Variants in DDX10 observed in about 807,000 individuals in gnomAD.
DDX10 encodes the protein probable ATP-dependent RNA helicase DDX10.
In DDX10, 74 loss-of-function variants were observed where a neutral mutation model predicts 104.3. The ratio of observed to expected loss-of-function variants is 0.71; its 90% CI spans 0.59 to 0.86. DDX10 has a LOEUF of 0.86. Ranked by LOEUF, DDX10 falls within the 40% of genes least tolerant of loss-of-function variation. DDX10 has a pLI of 0.00. For synonymous variants in DDX10, 351 were observed against 353.4 expected (o/e 0.99, Z 0.08); for missense variants, 952 against 1,040.0 (o/e 0.92, Z 1.16).
chr11:108,718,178 AT>A (rs2094293908), intron 11 of DDX10, among the ~76,000 whole-genome samples: 1 of 151,058 alleles, frequency 6.6e-6, no homozygotes, highest in South Asian at 2.1e-4. Context: ...AAAAAAAAAA[AT>A]TGTCTAGAGT....
chr11:108,913,574 T>A (rs1250273150), intron 16 of DDX10, among the ~76,000 whole-genome samples: 9 of 152,088 alleles, frequency 5.9e-5, no homozygotes, highest in Admixed American at 6.6e-5. Flanking sequence ...GTAGCTATCT[T>A]ATTTAGGAAT....
intron 13 of DDX10, among the ~76,000 whole-genome samples, chr11:108,773,407 A>G (rs1004541865): frequency 1.3e-5 from 2 of 152,176 alleles, no homozygotes; most frequent in Non-Finnish European, 2.9e-5. Context: ...AAGTCTCCCT[A>G]TCTACCTGTG....
At chr11:108,781,188 T>G (rs955835468) in intron 13 of DDX10, among the ~76,000 whole-genome samples, 1 of 152,194 alleles carries the variant, frequency 6.6e-6, no homozygotes, top group Admixed American at 6.5e-5. Context: ...GTTAATTCAT[T>G]TAGGCTTATG....
intron 13 of DDX10, among the ~76,000 whole-genome samples, chr11:108,753,497 G>A (rs2094340970): frequency 6.6e-6 from 1 of 152,006 alleles, no homozygotes; most frequent in Non-Finnish European, 1.5e-5. Context: ...ATTTTGATAA[G>A]CATTAAAGAT....
chr11:108,850,866 T>C (rs1862781878), intron 15 of DDX10, among the ~76,000 whole-genome samples: 1 of 152,140 alleles, frequency 6.6e-6, no homozygotes, highest in African/African-American at 2.4e-5. Context: ...TCAGGCAAGT[T>C]ACTTAGTTAC....
chr11:108,917,989 A>C lies in DDX10; in HGVS notation c.2421A>C (p.Ser807=). 1 of 1,613,710 alleles carries C rather than the reference A, an allele frequency of 6.2e-7. No individual in the cohort carries two copies. The highest frequency in any genetic ancestry group is 2.2e-5 in the East Asian group (1 of 44,854). The change falls in exon 17 of 18, where the codon TCA becomes TCC. Residue 807 remains serine (S), a synonymous_variant. Transcript: ENST00000322536. ...ATAAATACAGAAGCTCTGAAGATTC[A>C]GATAGTGAAGATATGGAAAATAAAA... ...DPDKYRSSED[S]DSEDMENKIS...
intron 1 of DDX10, among the ~76,000 whole-genome samples, chr11:108,671,522 T>G (rs1395178815): frequency 6.6e-6 from 1 of 152,212 alleles, no homozygotes; most frequent in Non-Finnish European, 1.5e-5. Context: ...ATGTAATCCT[T>G]GGAATATAAC....
intron 13 of DDX10, among the ~76,000 whole-genome samples, chr11:108,794,044 T>C (rs1216288466): frequency 6.6e-6 from 1 of 152,172 alleles, no homozygotes; most frequent in Non-Finnish European, 1.5e-5. Flanking sequence ...AATAATTCCA[T>C]TGTGTATAGC....
intron 13 of DDX10, among the ~76,000 whole-genome samples, chr11:108,793,735 C>A (rs907103442): frequency 2.0e-5 from 3 of 152,120 alleles, no homozygotes; most frequent in Admixed American, 1.3e-4. Flanking sequence ...GAACTTACTT[C>A]TTCTAACTGT....
intron 13 of DDX10, among the ~76,000 whole-genome samples, chr11:108,831,817 A>G (rs1375173518): frequency 6.6e-6 from 1 of 152,116 alleles, no homozygotes; most frequent in Non-Finnish European, 1.5e-5. Context: ...TCCTTATGAT[A>G]AGAACCATTA....
chr11:108,704,974 T>C (rs2094273840), intron 9 of DDX10, among the ~76,000 whole-genome samples: 1 of 152,192 alleles, frequency 6.6e-6, no homozygotes, highest in African/African-American at 2.4e-5. Flanking sequence ...TTAGTTTAGA[T>C]GTTGGTTTCT....
At chr11:108,918,680 C>G (rs529974779) in intron 17 of DDX10, 1 of 152,246 alleles carries the variant, frequency 6.6e-6, no homozygotes, top group South Asian at 2.1e-4. Context: ...ACAGAAACAA[C>G]TCTTGACAAA....
At chr11:108,749,665 G>T (rs1408300849) in intron 13 of DDX10, among the ~76,000 whole-genome samples, 2 of 152,112 alleles carry the variant, frequency 1.3e-5, no homozygotes, top group East Asian at 3.9e-4. Context: ...TGTAAAATTT[G>T]TCAATGAAGT....
chr11:108,712,687 C>T (rs552879613), intron 10 of DDX10, among the ~76,000 whole-genome samples: 80 of 152,038 alleles, frequency 5.3e-4, no homozygotes, highest in Admixed American at 2.1e-3. Context: ...TAATTAAACA[C>T]GCTGGGGCTA....
intron 1 of DDX10, among the ~76,000 whole-genome samples, chr11:108,665,579 C>T (rs1374956102): frequency 2.0e-5 from 3 of 152,026 alleles, no homozygotes; most frequent in African/African-American, 7.2e-5. Flanking sequence ...GAGACTAATG[C>T]TGTAATAGCT....
intron 13 of DDX10, among the ~76,000 whole-genome samples, chr11:108,787,894 C>T (rs1246948090): frequency 6.6e-6 from 1 of 152,144 alleles, no homozygotes; most frequent in African/African-American, 2.4e-5. Flanking sequence ...CGTGCCATTG[C>T]ACTCCAGCCT....
At chr11:108,933,313 C>G (rs1863998033) in intron 17 of DDX10, among the ~76,000 whole-genome samples, 1 of 152,002 alleles carries the variant, frequency 6.6e-6, no homozygotes, top group Non-Finnish European at 1.5e-5. Flanking sequence ...GTTCAGCTGA[C>G]TTAGCAGGAT....
At chr11:108,698,310 A>G (rs1427101027) in intron 9 of DDX10, among the ~76,000 whole-genome samples, 3 of 152,354 alleles carry the variant, frequency 2.0e-5, no homozygotes, top group East Asian at 3.9e-4. Context: ...AAGGCTTACC[A>G]TGTGTACCTT....
At chr11:108,905,903 T>G (rs1027084686) in intron 16 of DDX10, among the ~76,000 whole-genome samples, 2 of 152,082 alleles carry the variant, frequency 1.3e-5, no homozygotes, top group Non-Finnish European at 2.9e-5. Flanking sequence ...TGACACATAC[T>G]TCTAAACCAC....
Sources: allele counts gnomAD v4.1 joint callset (sites outside exome capture counted in the v4.1 genomes callset), GRCh38; gene constraint gnomAD v4.1.1; transcripts MANE v1.5; gene names NCBI Gene and HGNC (gene_info 2026-07-23, HGNC 2026-07-21).